KIAA1958: variants seen among roughly 807,000 people sequenced by gnomAD.
KIAA1958 encodes KIAA1958, also known as uncharacterized protein KIAA1958.
In KIAA1958, 14 loss-of-function variants were observed where a neutral mutation model predicts 47.2. The observed-to-expected ratio is 0.30, with a 90% CI of 0.20 to 0.46. The LOEUF (loss-of-function observed/expected upper bound fraction) is 0.46, where lower values mean the gene tolerates loss of function less well. KIAA1958 is among the 20% of genes least tolerant of loss of function. KIAA1958 has a pLI of 1.00. For synonymous variants in KIAA1958, 354 were observed against 353.3 expected, an observed-to-expected ratio of 1.00 and a Z score of -0.02; for missense variants, 803 against 909.2, an observed-to-expected ratio of 0.88 and a Z score of 1.50.
chr9:112,598,433 GA>G (rs1419856447), intron 2 of KIAA1958, among the ~76,000 whole-genome samples: 1 of 152,166 alleles, frequency 6.6e-6, no homozygotes, highest in Admixed American at 6.5e-5. Flanking sequence ...GAGTGACATG[GA>G]CAAACTGGGA....
intron 1 of KIAA1958, among the ~76,000 whole-genome samples, chr9:112,553,050 TC>T: frequency 6.6e-6 from 1 of 151,872 alleles, no homozygotes; most frequent in African/African-American, 2.4e-5. Flanking sequence ...CCTGATTCCT[TC>T]CCCCATCCTC....
Position 112,563,065 on chromosome 9 carries a change from G to GTCTC in KIAA1958, c.-24-10974_-24-10971dup, listed in dbSNP as rs1554724186. Reference sequence around the variant, plus strand: ...TCTTTCTCTCTCTCTCTCTGTCTCTGTCTCTCTCTCTCTCTCTCTCTATAT... The same window carrying GTCTC: ...TCTTTCTCTCTCTCTCTCTGTCTCTGTCTCTCTCTCTCTCTCTCTCTCTCTATAT... On this transcript the variant is annotated intron_variant, in intron 1 of 3. Coordinates refer to ENST00000337530, the MANE Select transcript of KIAA1958 (RefSeq NM_133465.4). Among the ~76,000 whole-genome samples the GTCTC allele has an allele frequency of 5.2e-3, 653 of 126,556 alleles. 5 individuals are homozygous for GTCTC. The highest frequency in any genetic ancestry group is 0.012 in the African/African-American group (410 of 32,818). The allele number at this position is 126,556 out of a possible 152,430, so 83.0% of individuals were successfully genotyped here.
At chr9:112,540,601 A>G (rs527607270) in intron 1 of KIAA1958, among the ~76,000 whole-genome samples, 40 of 152,174 alleles carry the variant, frequency 2.6e-4, no homozygotes, top group Non-Finnish European at 5.1e-4. Flanking sequence ...TTTTAGTAAC[A>G]CTTAATAAGC....
chr9:112,539,270 A>G (rs1308900221), intron 1 of KIAA1958, among the ~76,000 whole-genome samples: 1 of 152,238 alleles, frequency 6.6e-6, no homozygotes, highest in Non-Finnish European at 1.5e-5. Context: ...CATTATTGAT[A>G]ACAGAAGGTA....
At chr9:112,599,675 A>G (rs183447809) in intron 2 of KIAA1958, among the ~76,000 whole-genome samples, 6 of 152,356 alleles carry the variant, frequency 3.9e-5, no homozygotes, top group South Asian at 2.1e-4. Flanking sequence ...TGTCACATCT[A>G]TAATGAATCC....
chr9:112,533,580 CAAAAAAAAAAAAA>C (rs57032014), intron 1 of KIAA1958, among the ~76,000 whole-genome samples: 1 of 125,420 alleles, frequency 8.0e-6, no homozygotes, highest in Non-Finnish European at 1.6e-5. Flanking sequence ...GACTCCATCC[CAAAAAAAAAAAAA>C]AAAAAAAAAA....
intron 1 of KIAA1958, among the ~76,000 whole-genome samples, chr9:112,561,300 T>TGCCTCG (rs1835325180): frequency 6.6e-6 from 1 of 151,888 alleles, no homozygotes; most frequent in South Asian, 2.1e-4. Flanking sequence ...GCGATCTGCC[T>TGCCTCG]GCCTCGGCCT....
intron 1 of KIAA1958, among the ~76,000 whole-genome samples, chr9:112,573,286 ATGG>A (rs1835570528): frequency 6.6e-6 from 1 of 152,184 alleles, no homozygotes; most frequent in African/African-American, 2.4e-5. Flanking sequence ...GTAACCTCTA[ATGG>A]TGGGATGAAA....
chr9:112,574,840 C>T lies in KIAA1958; in HGVS notation c.760C>T (p.Pro254Ser), dbSNP rs371599806. 6.2e-7 allele frequency: 1 copy of T among 1,614,152 alleles called. No homozygotes were observed. Among genetic ancestry groups the T allele is most frequent in the South Asian group, 1.1e-5 (1 of 91,076 alleles). ...CTGTGTAGGGTCTGCTAAACTGATT[C>T]CCCATGTCACATCTGCCATCAGCAC... ...PSCVGSAKLI[P>S]HVTSAISTEL... Residue 254 changes from proline (P) to serine (S), a missense_variant, in exon 2 of 4, where the codon CCC becomes TCC. This residue lies in a region of KIAA1958 where 761 missense variants were observed against 829.3 expected (regional missense o/e 0.92). Coordinates refer to ENST00000337530, the MANE Select transcript of KIAA1958 (RefSeq NM_133465.4).
At chr9:112,645,130 T>A (rs1836954347) in intron 2 of KIAA1958, among the ~76,000 whole-genome samples, 1 of 110,330 alleles carries the variant, frequency 9.1e-6, no homozygotes, top group Non-Finnish European at 2.0e-5. Flanking sequence ...CGCAAAACTT[T>A]GTCTCAAAAA....
chr9:112,557,186 CCAGGCTTAAG>C (rs1835257673), intron 1 of KIAA1958, among the ~76,000 whole-genome samples: 1 of 152,006 alleles, frequency 6.6e-6, no homozygotes, highest in African/African-American at 2.4e-5. Flanking sequence ...CCTTGAATAC[CCAGGCTTAAG>C]CAGTCCTCCC....
chr9:112,530,977 C>G (rs894287506), intron 1 of KIAA1958, among the ~76,000 whole-genome samples: 1 of 152,314 alleles, frequency 6.6e-6, no homozygotes, highest in Admixed American at 6.5e-5. Flanking sequence ...ATTTTATGTT[C>G]AGCTTATTCT....
chr9:112,620,248 T>C (rs1836479903), intron 2 of KIAA1958, among the ~76,000 whole-genome samples: 1 of 152,230 alleles, frequency 6.6e-6, no homozygotes. Context: ...AAAGCTGAGC[T>C]AGGTTCCTAT....
At chr9:112,627,706 A>G (rs1488240995) in intron 2 of KIAA1958, among the ~76,000 whole-genome samples, 6 of 152,214 alleles carry the variant, frequency 3.9e-5, no homozygotes, top group Non-Finnish European at 1.5e-5. Context: ...GTGATCTGAG[A>G]TCACACTACT....
intron 3 of KIAA1958, among the ~76,000 whole-genome samples, chr9:112,648,327 G>A (rs1217952411): frequency 6.6e-6 from 1 of 152,156 alleles, no homozygotes; most frequent in Non-Finnish European, 1.5e-5. Context: ...GGAGCTGAGA[G>A]TCCAGAGAGA....
At chr9:112,571,958 CTAAAT>C (rs1483557477) in intron 1 of KIAA1958, among the ~76,000 whole-genome samples, 6 of 145,814 alleles carry the variant, frequency 4.1e-5, no homozygotes, top group African/African-American at 1.5e-4. Flanking sequence ...ATAAATAAGT[CTAAAT>C]TTCTAGAGTA....
chr9:112,522,887 C>T (rs1834573853), intron 1 of KIAA1958, among the ~76,000 whole-genome samples: 1 of 152,196 alleles, frequency 6.6e-6, no homozygotes, highest in Non-Finnish European at 1.5e-5. Flanking sequence ...TAACATCTGA[C>T]ATCTACCTCT....
intron 1 of KIAA1958, among the ~76,000 whole-genome samples, chr9:112,490,317 A>G (rs1049672752): frequency 6.6e-6 from 1 of 152,208 alleles, no homozygotes; most frequent in Admixed American, 6.5e-5. Context: ...TACTTAAGAG[A>G]TCTACATAGT....
intron 2 of KIAA1958, among the ~76,000 whole-genome samples, chr9:112,581,235 C>T (rs1238446310): frequency 6.6e-6 from 1 of 151,972 alleles, no homozygotes; most frequent in Non-Finnish European, 1.5e-5. Flanking sequence ...ATTGTGAGGA[C>T]CAAATGCAAA....
Sources: allele counts gnomAD v4.1 joint callset (sites outside exome capture counted in the v4.1 genomes callset), GRCh38; gene constraint gnomAD v4.1.1; regional missense constraint gnomAD v4.1.1; transcripts MANE v1.5; gene names NCBI Gene and HGNC (gene_info 2026-07-23, HGNC 2026-07-21).